SUPT6H: variants seen among roughly 807,000 people sequenced by gnomAD.
SUPT6H encodes SPT6 homolog, histone chaperone and transcription elongation factor.
A neutral mutation model predicts 222.3 loss-of-function variants in SUPT6H; 11 were observed. The ratio of observed to expected loss-of-function variants is 0.05; its 90% CI spans 0.03 to 0.08. The LOEUF is 0.08. Ranked by LOEUF, SUPT6H falls within the 10% of genes least tolerant of loss-of-function variation. The pLI is 1.00. For synonymous variants in SUPT6H, 762 were observed against 801.2 expected (o/e 0.95, Z 0.83); for missense variants, 1,422 against 2,216.0 (o/e 0.64, Z 7.19).
Position 28,697,923 on chromosome 17 carries a change from C to T in SUPT6H, c.4341C>T (p.Leu1447=). 1.2e-6 allele frequency: 2 copies of T among 1,614,092 alleles called. No homozygotes were observed. The highest frequency in any genetic ancestry group is 8.5e-7 in the Non-Finnish European group (1 of 1,180,024). The change falls in exon 32 of 37, where the codon CTC becomes CTT. Residue 1447 remains leucine (L), a synonymous_variant. Coordinates refer to ENST00000314616, the MANE Select transcript of SUPT6H (RefSeq NM_003170.5). ...ACCCCCAGAAATTAGAGGAGCTGCT[C>T]ATCAAAACTAAGAAGGAGAAGCCCA... is the stretch of plus-strand genomic sequence containing the variant. ...GGDRKKLEEL[L]IKTKKEKPTF... is the part of the protein sequence containing the mutation.
chr17:28,681,011 TGTG>T (rs923713444), intron 11 of SUPT6H: 139 of 449,792 alleles, frequency 3.1e-4, no homozygotes, highest in Non-Finnish European at 7.2e-5. Flanking sequence ...AGAGCAGTGG[TGTG>T]GTCACAGTTC....
intron 26 of SUPT6H, among the ~76,000 whole-genome samples, chr17:28,690,485 A>G (rs1456733639): frequency 1.3e-5 from 2 of 152,202 alleles, no homozygotes; most frequent in African/African-American, 4.8e-5. Flanking sequence ...TCATCAAATC[A>G]GGGGAACGGC....
rs766514890 is a variant in SUPT6H, at chr17:28,689,396, C to T, written c.3177C>T (p.His1059=). ...YIEVLDGSRV[H]PETYEWARKM... is the part of the protein sequence containing the mutation. ...AAGTCCTTGATGGTTCCCGTGTCCA[C>T]CCTGAGACTTATGAGTGGGCTAGGA... Residue 1059 remains histidine, a synonymous_variant, in exon 25 of 37, where the codon CAC becomes CAT. Coordinates refer to ENST00000314616, the MANE Select transcript of SUPT6H (RefSeq NM_003170.5). 10 of 1,614,106 alleles carry T rather than the reference C, an allele frequency of 6.2e-6. 1 individual carries two copies. In the South Asian group the frequency reaches 1.1e-4, roughly 18 times the overall value.
chr17:28,700,277 G>A (rs752978342), intron 34 of SUPT6H, 27 bp downstream of exon 34: 1 of 1,614,200 alleles, frequency 6.2e-7, no homozygotes. Flanking sequence ...TGGGACTGGA[G>A]GTGGGAAGGA....
At chr17:28,692,524 A>C (rs558646815) in intron 27 of SUPT6H, among the ~76,000 whole-genome samples, 2 of 146,742 alleles carry the variant, frequency 1.4e-5, no homozygotes, top group South Asian at 2.3e-4. Flanking sequence ...TCAAAAAAAA[A>C]CACAAAAGGG....
rs2031448695 is a variant in SUPT6H, at chr17:28,687,556, T to C, written c.3006+85T>C. On this transcript the variant is annotated intron_variant, in intron 23 of 36. Coordinates refer to ENST00000314616, the MANE Select transcript of SUPT6H (RefSeq NM_003170.5). ...TACTTTGTCAGTATAATTTGACAGA[T>C]TGGGAGGACCAAGGTCAGTGACTTG... The C allele has an allele frequency of 3.5e-6, 5 of 1,431,232 alleles. No homozygotes were observed. The Admixed American group carries it at 1.0e-4, about 30-fold the overall frequency. 88.7% of individuals were successfully genotyped at this position (1,431,232 alleles called of 1,614,324 possible). A position where few individuals can be genotyped will look rare whatever the true frequency, so the allele number is the denominator to read the frequency against.
Position 28,673,371 on chromosome 17 carries a change from T to C in SUPT6H, c.-31T>C. 1 of 1,553,106 alleles carries C rather than the reference T, an allele frequency of 6.4e-7. No homozygotes were observed. The highest frequency in any genetic ancestry group is 8.9e-7 in the Non-Finnish European group (1 of 1,125,260). On this transcript the variant is annotated splice_region_variant and 5_prime_UTR_variant, in exon 2 of 37. Transcript: ENST00000314616. ...ATCCTTCACTCTTTTCTTTCCCTAGTTATCTTCAGGCAGAGTGAGAAGCTG... is the reference window on the plus strand; with the variant it reads ...ATCCTTCACTCTTTTCTTTCCCTAGCTATCTTCAGGCAGAGTGAGAAGCTG...
chr17:28,692,478 T>A (rs1199526561), intron 27 of SUPT6H, among the ~76,000 whole-genome samples: 1 of 142,698 alleles, frequency 7.0e-6, no homozygotes, highest in East Asian at 2.1e-4. Flanking sequence ...ACTAAAAATA[T>A]AAGGATTAGC....
Position 28,676,208 on chromosome 17 carries a change from A to G in SUPT6H, c.675A>G (p.Glu225=). The part of the protein sequence containing the change: ...EIFGVDFDYD[E]FEKYNEYDEE... Reference sequence around the variant, plus strand: ...TCGGTGTGGACTTTGACTATGATGAATTTGAGAAATACAATGAGTATGATG... The same window carrying G: ...TCGGTGTGGACTTTGACTATGATGAGTTTGAGAAATACAATGAGTATGATG... Residue 225 remains glutamate (E), a synonymous_variant, in exon 7 of 37, where the codon GAA becomes GAG. Transcript: ENST00000314616. 6.2e-7 allele frequency: 1 copy of G among 1,611,652 alleles called. No homozygotes were observed. The highest frequency in any genetic ancestry group is 8.5e-7 in the Non-Finnish European group (1 of 1,178,880).
intron 1 of SUPT6H, among the ~76,000 whole-genome samples, chr17:28,667,705 T>G (rs183446810): frequency 7.9e-5 from 12 of 151,820 alleles, no homozygotes; most frequent in Non-Finnish European, 2.9e-5. Flanking sequence ...GCATCACCTT[T>G]TCTCAGATAT....
chr17:28,678,323 C>T (rs2030881840), intron 9 of SUPT6H, 131 bp downstream of exon 9: 2 of 884,228 alleles, frequency 2.3e-6, no homozygotes, highest in South Asian at 1.5e-5. Context: ...GTGTTAGGAC[C>T]AGCAGAGACC....
intron 19 of SUPT6H, 113 bp from the exon 20 acceptor site, chr17:28,686,226 A>G (rs964809352): frequency 3.2e-6 from 3 of 950,824 alleles, no homozygotes; most frequent in African/African-American, 3.3e-5. Flanking sequence ...ACCTTGGACC[A>G]GATATCTTCT....
rs987616115 is a variant in SUPT6H at position 28,682,085 on chromosome 17, C to T, written c.1597+105C>T. 7 of 878,458 alleles carry T rather than the reference C, an allele frequency of 8.0e-6. No individual in the cohort carries two copies. In the Admixed American group the frequency reaches 1.3e-4, roughly 16 times the overall value. The allele number at this position is 878,458 out of a possible 1,614,324, so 54.4% of individuals were successfully genotyped here. ...AAAAAGAAAGGCTATCTGGGTCAAT[C>T]ACCAATCCAATCCTGAACTAGCCTA... On this transcript the variant is annotated intron_variant, in intron 13 of 36. Coordinates refer to ENST00000314616, the MANE Select transcript of SUPT6H (RefSeq NM_003170.5).
intron 21 of SUPT6H, 21 bp downstream of exon 21, chr17:28,686,810 T>C: frequency 6.4e-7 from 1 of 1,571,340 alleles, no homozygotes; most frequent in Non-Finnish European, 8.6e-7. Context: ...AGCCTCACCC[T>C]TAGGGCCTGC....
chr17:28,668,155 A>C (rs899315219), intron 1 of SUPT6H, among the ~76,000 whole-genome samples: 1 of 152,148 alleles, frequency 6.6e-6, no homozygotes, highest in Non-Finnish European at 1.5e-5. Context: ...TTCTGACTAG[A>C]GAAACCTCTC....
Position 28,688,075 on chromosome 17 carries a change from C to A in SUPT6H, c.3007-16C>A. On this transcript the variant is annotated splice_polypyrimidine_tract_variant and intron_variant, in intron 23 of 36. Transcript: ENST00000314616. The surrounding 1 kb of genome is among the most constrained non-coding windows in gnomAD (Gnocchi z 4.3). ...GCCTGCTTACTGCCCTGGCTCAGTC[C>A]AGCTCTCTCCCCCAGATCCTGAAGC... 1 of 1,604,132 alleles carries A rather than the reference C, an allele frequency of 6.2e-7. No homozygotes were observed. The highest frequency in any genetic ancestry group is 1.1e-5 in the South Asian group (1 of 89,792).
In SUPT6H at chr17:28,673,434, G is replaced by C; in HGVS notation, c.33G>C (p.Glu11Asp). ...ATTTTGTGGAAAGCGAGGCTGAGGAGTCAGAGGAAGAATACAATGATGAAG... is the reference window on the plus strand; with the variant it reads ...ATTTTGTGGAAAGCGAGGCTGAGGACTCAGAGGAAGAATACAATGATGAAG... MSDFVESEAEESEEEYNDEGE... is the reference protein window; with the variant it reads MSDFVESEAEDSEEEYNDEGE... The change falls in exon 2 of 37, where the codon GAG becomes GAC. Residue 11 changes from glutamate to aspartate, a missense_variant. Glu to Asp is a conservative substitution (Grantham distance 45). This residue lies in a region of SUPT6H where 89 missense variants were observed against 118.9 expected (regional missense o/e 0.75). Transcript: ENST00000314616. 2 of 1,614,152 alleles carry C rather than the reference G, an allele frequency of 1.2e-6. No individual in the cohort carries two copies. Among genetic ancestry groups the C allele is most frequent in the Non-Finnish European group, 1.7e-6 (2 of 1,180,014 alleles).
chr17:28,680,570 G>A (rs571492766), intron 11 of SUPT6H, among the ~76,000 whole-genome samples: 2 of 152,306 alleles, frequency 1.3e-5, no homozygotes, highest in South Asian at 2.1e-4. Flanking sequence ...ACTCCAGCCT[G>A]GGTGACAAGA....
chr17:28,677,850 A>G, intron 8 of SUPT6H, 34 bp downstream of exon 8: 1 of 1,576,018 alleles, frequency 6.3e-7, no homozygotes, highest in Non-Finnish European at 8.7e-7. Flanking sequence ...TTTGACATGA[A>G]CCAAAAGACA....
Sources: allele counts gnomAD v4.1 joint callset (sites outside exome capture counted in the v4.1 genomes callset), GRCh38; gene constraint gnomAD v4.1.1; regional missense constraint gnomAD v4.1.1; non-coding constraint Gnocchi (gnomAD v3.1); transcripts MANE v1.5; gene names NCBI Gene and HGNC (gene_info 2026-07-23, HGNC 2026-07-21).